MARK1: variants seen among roughly 807,000 people sequenced by gnomAD.
MARK1 encodes the protein serine/threonine-protein kinase MARK1.
A neutral mutation model predicts 96.3 loss-of-function variants in MARK1; 40 were observed. The ratio of observed to expected loss-of-function variants is 0.42; its 90% CI spans 0.32 to 0.54. The LOEUF is 0.54. Ranked by LOEUF, MARK1 falls within the 20% of genes least tolerant of loss-of-function variation. MARK1 has a pLI of 0.16. For missense variants in MARK1, 719 were observed against 984.6 expected, an observed-to-expected ratio of 0.73 and a Z score of 3.61; for synonymous variants, 317 against 341.2, an observed-to-expected ratio of 0.93 and a Z score of 0.78.
intron 3 of MARK1, among the ~76,000 whole-genome samples, chr1:220,591,914 C>T (rs552511682): frequency 5.9e-5 from 9 of 151,716 alleles, no homozygotes; most frequent in Non-Finnish European, 7.4e-5. Flanking sequence ...GAGCAGAAGC[C>T]TAGATTTTAT....
intron 13 of MARK1, among the ~76,000 whole-genome samples, chr1:220,636,700 T>C (rs557360283): frequency 2.8e-4 from 43 of 151,894 alleles, no homozygotes; most frequent in African/African-American, 9.2e-4. Flanking sequence ...AAATAGAATT[T>C]ATAGATACCA....
chr1:220,638,861 T>C (rs181214369), intron 13 of MARK1, among the ~76,000 whole-genome samples: 32 of 152,330 alleles, frequency 2.1e-4, no homozygotes, highest in Admixed American at 3.3e-4. Flanking sequence ...TCATCTCCTC[T>C]TCCCTATCCA....
intron 13 of MARK1, among the ~76,000 whole-genome samples, chr1:220,649,636 CT>C (rs1668765419): frequency 6.6e-6 from 1 of 152,134 alleles, no homozygotes. Context: ...GACAAAATTC[CT>C]TCCATCTAGG....
chr1:220,545,872 T>C (rs1661456807), intron 1 of MARK1, among the ~76,000 whole-genome samples: 1 of 152,196 alleles, frequency 6.6e-6, no homozygotes, highest in African/African-American at 2.4e-5. Flanking sequence ...AGAGTCCTGT[T>C]CTCTACTAGG....
intron 6 of MARK1, among the ~76,000 whole-genome samples, chr1:220,614,862 T>C (rs555502451): frequency 1.3e-5 from 2 of 152,182 alleles, no homozygotes; most frequent in Non-Finnish European, 2.9e-5. Flanking sequence ...AATAATTTTA[T>C]AATACTGAAA....
rs532242723 is a variant in MARK1 at position 220,646,057 on chromosome 1, A to G, written c.1471-4563A>G. On this transcript the variant is annotated intron_variant, in intron 13 of 17. Coordinates refer to ENST00000366917, the MANE Select transcript of MARK1 (RefSeq NM_018650.5). ...CAACATAGTATTGGAAGTTCTGGCC[A>G]GGGCAATCAGGCAAGAGAAGGAAAT... Among the ~76,000 whole-genome samples, 5 of 152,314 alleles carry G rather than the reference A, an allele frequency of 3.3e-5. No individual in the cohort carries two copies. The South Asian group carries it at 1.0e-3, about 32-fold the overall frequency.
intron 13 of MARK1, among the ~76,000 whole-genome samples, chr1:220,650,333 C>A (rs1235074624): frequency 6.6e-6 from 1 of 152,188 alleles, no homozygotes; most frequent in Non-Finnish European, 1.5e-5. Flanking sequence ...TCTCTACCAC[C>A]AGCTCACAAA....
chr1:220,650,748 A>AGTGC (rs771810530), intron 14 of MARK1, 28 bp downstream of exon 14: 1 of 1,506,960 alleles, frequency 6.6e-7, no homozygotes, highest in South Asian at 1.1e-5. Flanking sequence ...AAGTAGTAAT[A>AGTGC]CCTTTGCTGT....
chr1:220,591,739 T>TTTTA (rs1006089984), intron 3 of MARK1, among the ~76,000 whole-genome samples: 3 of 152,158 alleles, frequency 2.0e-5, no homozygotes, highest in Admixed American at 6.5e-5. Context: ...GGCCAAAGCT[T>TTTTA]TTTATTTATT....
chr1:220,581,871 A>G (rs1026725695), intron 3 of MARK1, among the ~76,000 whole-genome samples: 1 of 152,210 alleles, frequency 6.6e-6, no homozygotes, highest in African/African-American at 2.4e-5. Context: ...ACATTTTAGT[A>G]CTTTAAAAAT....
At chr1:220,638,426 A>G (rs919906442) in intron 13 of MARK1, among the ~76,000 whole-genome samples, 2 of 152,050 alleles carry the variant, frequency 1.3e-5, no homozygotes, top group African/African-American at 4.8e-5. Context: ...TCCAAAACCC[A>G]TCAGCTTTTT....
chr1:220,629,778 C>T (rs1284749034), intron 9 of MARK1, among the ~76,000 whole-genome samples: 2 of 152,146 alleles, frequency 1.3e-5, no homozygotes, highest in Non-Finnish European at 2.9e-5. Flanking sequence ...TAACATATAA[C>T]AGGATTTTTT....
chr1:220,601,542 C>T (rs1246059087), intron 5 of MARK1, among the ~76,000 whole-genome samples: 1 of 151,986 alleles, frequency 6.6e-6, no homozygotes, highest in African/African-American at 2.4e-5. Context: ...AATAATCTGT[C>T]TCATGGGAAC....
intron 6 of MARK1, among the ~76,000 whole-genome samples, chr1:220,614,247 G>A (rs962773863): frequency 1.3e-5 from 2 of 151,904 alleles, no homozygotes; most frequent in Non-Finnish European, 2.9e-5. Context: ...GGCCTCAAGC[G>A]ATCATCCTCC....
intron 1 of MARK1, among the ~76,000 whole-genome samples, chr1:220,540,352 T>G (rs1250453999): frequency 6.6e-6 from 1 of 152,026 alleles, no homozygotes; most frequent in Non-Finnish European, 1.5e-5. Context: ...GAGAAATAAA[T>G]TTTCCGTTTT....
rs899737752 is a variant in MARK1, at chr1:220,663,783, G to A, written c.*1617G>A. Reference sequence around the variant, plus strand: ...TTTTTTTTTTGCCTTAGCAAAGGGTGGTGTTTGAAAAAAAAAATGTGTAGC... The same window carrying A: ...TTTTTTTTTTGCCTTAGCAAAGGGTAGTGTTTGAAAAAAAAAATGTGTAGC... On this transcript the variant is annotated 3_prime_UTR_variant, in exon 18 of 18. Transcript: ENST00000366917. 1.3e-5 allele frequency: 2 copies of A among 150,702 alleles called. No individual in the cohort carries two copies. The highest frequency in any genetic ancestry group is 2.5e-5 in the African/African-American group (1 of 40,536). The allele number at this position is 150,702 out of a possible 1,614,324, so 9.3% of individuals were successfully genotyped here.
At chr1:220,641,382 C>T (rs1409434846) in intron 13 of MARK1, among the ~76,000 whole-genome samples, 1 of 152,144 alleles carries the variant, frequency 6.6e-6, no homozygotes, top group Non-Finnish European at 1.5e-5. Context: ...TTGTTCTACC[C>T]TTCTACCGTG....
At chr1:220,661,543 G>A (rs1669484014) in intron 17 of MARK1, among the ~76,000 whole-genome samples, 1 of 152,198 alleles carries the variant, frequency 6.6e-6, no homozygotes, top group African/African-American at 2.4e-5. Context: ...TTCACTTTCA[G>A]TTGCAGACTT....
intron 4 of MARK1, among the ~76,000 whole-genome samples, chr1:220,599,175 G>A (rs1282554330): frequency 6.6e-6 from 1 of 151,984 alleles, no homozygotes; most frequent in Non-Finnish European, 1.5e-5. Flanking sequence ...CTCCCCCTTT[G>A]CAAATAAACG....
Sources: allele counts gnomAD v4.1 joint callset (sites outside exome capture counted in the v4.1 genomes callset), GRCh38; gene constraint gnomAD v4.1.1; transcripts MANE v1.5; gene names NCBI Gene and HGNC (gene_info 2026-07-23, HGNC 2026-07-21).